Variants in PCDH11X observed in about 807,000 individuals in gnomAD.
The protein encoded by PCDH11X is protocadherin 11 X-linked, also known as protocadherin-11 X-linked.
PCDH11X carries 18 observed loss-of-function variants against 53.3 expected under a neutral mutation model. That is an observed-to-expected ratio of 0.34 (90% confidence interval 0.23 to 0.50). The LOEUF (loss-of-function observed/expected upper bound fraction) is 0.50. PCDH11X is among the 20% of genes least tolerant of loss of function. PCDH11X has a pLI of 0.98. For synonymous variants in PCDH11X, 279 were observed against 393.3 expected (o/e 0.71, Z 3.44); for missense variants, 570 against 1,032.4 (o/e 0.55, Z 6.14).
chrX:92,438,306 C>G (rs2072434952), intron 9 of PCDH11X, among the ~76,000 whole-genome samples: 1 of 111,133 alleles, frequency 9.0e-6, no homozygotes, highest in South Asian at 3.7e-4. Context: ...TTTAAAAACT[C>G]CCTCGGTGCT....
intron 9 of PCDH11X, chrX:92,420,437 A>C (rs12863110): frequency 0.12 from 35,056 of 284,607 alleles, 1,843 homozygotes; most frequent in African/African-American, 0.24. Context: ...AGATTTAATA[A>C]ATTCAACTTC....
intron 6 of PCDH11X, among the ~76,000 whole-genome samples, chrX:92,000,732 C>A (rs2062495740): frequency 3.0e-5 from 3 of 101,418 alleles, no homozygotes; most frequent in African/African-American, 1.1e-4. Flanking sequence ...CCCCCCATTA[C>A]CCTTCCTAGT....
intron 9 of PCDH11X, among the ~76,000 whole-genome samples, chrX:92,439,542 A>C (rs1402760026): frequency 9.1e-6 from 1 of 110,350 alleles, no homozygotes; most frequent in East Asian, 2.9e-4. Context: ...GGAAAGTATG[A>C]AAAAGTGATT....
chrX:92,514,591 T>G (rs995871306), intron 10 of PCDH11X, among the ~76,000 whole-genome samples: 1 of 103,360 alleles, frequency 9.7e-6, no homozygotes, highest in African/African-American at 3.5e-5. Context: ...AATAGCTGGG[T>G]GTGGTGGCGT....
intron 4 of PCDH11X, among the ~76,000 whole-genome samples, chrX:91,825,334 G>T (rs1312837450): frequency 9.0e-6 from 1 of 111,214 alleles, no homozygotes; most frequent in African/African-American, 3.3e-5. Context: ...GAGACTCCGT[G>T]GGCGTAGGAC....
chrX:92,115,626 C>A (rs963435058), intron 6 of PCDH11X, among the ~76,000 whole-genome samples: 3 of 110,818 alleles, frequency 2.7e-5, no homozygotes. Flanking sequence ...AACAGTTTAG[C>A]CTTCAGTCTG....
At chrX:92,482,021 C>G (rs1193932756) in intron 10 of PCDH11X, among the ~76,000 whole-genome samples, 6 of 99,552 alleles carry the variant, frequency 6.0e-5, no homozygotes, top group Non-Finnish European at 1.0e-4. Context: ...CCTTTGTCCA[C>G]TCTCAGTGCC....
chrX:92,195,140 A>G (rs1259354991), intron 6 of PCDH11X, among the ~76,000 whole-genome samples: 1 of 111,288 alleles, frequency 9.0e-6, no homozygotes, highest in East Asian at 2.8e-4. Flanking sequence ...TCTTAAACGA[A>G]GATTAGTTTC....
chrX:92,104,899 G>A (rs1471846025), intron 6 of PCDH11X, among the ~76,000 whole-genome samples: 1 of 110,589 alleles, frequency 9.0e-6, no homozygotes, highest in Non-Finnish European at 1.9e-5. Flanking sequence ...GGGGGTTCTT[G>A]CCCCCTAGGA....
At chrX:92,296,315 G>A (rs2068608250) in intron 8 of PCDH11X, among the ~76,000 whole-genome samples, 1 of 110,269 alleles carries the variant, frequency 9.1e-6, no homozygotes, top group South Asian at 3.9e-4. Flanking sequence ...GCATGTGACA[G>A]GAGTTAAATA....
At chrX:92,509,799 A>G (rs753934747) in intron 10 of PCDH11X, among the ~76,000 whole-genome samples, 1 of 111,813 alleles carries the variant, frequency 8.9e-6, no homozygotes, top group Admixed American at 9.5e-5. Flanking sequence ...CTAGCCAAAA[A>G]TCAGGTTCAT....
intron 10 of PCDH11X, among the ~76,000 whole-genome samples, chrX:92,609,985 C>T (rs1303699657): frequency 8.9e-6 from 1 of 111,764 alleles, no homozygotes; most frequent in Non-Finnish European, 1.9e-5. Context: ...TATAAGAAAT[C>T]CAATCCACCA....
intron 10 of PCDH11X, among the ~76,000 whole-genome samples, chrX:92,582,306 C>G (rs1285111377): frequency 2.8e-5 from 3 of 106,694 alleles, no homozygotes; most frequent in Non-Finnish European, 5.8e-5. Context: ...GTGGTCCCGG[C>G]CCAGGGTCCC....
intron 4 of PCDH11X, among the ~76,000 whole-genome samples, chrX:91,824,993 CAG>C (rs1289886771): frequency 9.1e-6 from 1 of 110,362 alleles, no homozygotes; most frequent in Non-Finnish European, 1.9e-5. Flanking sequence ...GCTCGGGGGT[CAG>C]GGGTCAGGGA....
chrX:92,181,545 C>A (rs770223211), intron 6 of PCDH11X, among the ~76,000 whole-genome samples: 1 of 111,777 alleles, frequency 8.9e-6, no homozygotes, highest in African/African-American at 3.2e-5. Flanking sequence ...AGGACCTTTG[C>A]AGTAGCCCCT....
intron 5 of PCDH11X, among the ~76,000 whole-genome samples, chrX:91,854,817 C>A (rs1343298211): frequency 4.5e-5 from 5 of 111,874 alleles, no homozygotes; most frequent in Non-Finnish European, 9.4e-5. Context: ...CTATTCAAAT[C>A]TTTTGCCCAT....
Position 92,621,939 on chromosome X carries a change from G to T in PCDH11X, c.*2999G>T, listed in dbSNP as rs903411676. The T allele has an allele frequency of 1.9e-5, 2 of 106,048 alleles. No individual in the cohort carries two copies. Among genetic ancestry groups the T allele is most frequent in the African/African-American group, 3.4e-5 (1 of 29,012 alleles). The allele number at this position is 106,048 out of a possible 1,213,427, so 8.7% of individuals were successfully genotyped here. The stretch of plus-strand genomic sequence containing the variant: ...TGTGATTATTAATTTTCTAGCTATG[G>T]TATTACTATATCACACTTGTGAGTA... On this transcript the variant is annotated 3_prime_UTR_variant, in exon 11 of 11. Transcript: ENST00000682573.
intron 8 of PCDH11X, among the ~76,000 whole-genome samples, chrX:92,281,245 G>A (rs1231565661): frequency 9.0e-6 from 1 of 111,647 alleles, no homozygotes; most frequent in Admixed American, 9.6e-5. Context: ...TTTCAGATTT[G>A]TCCTTCTGAT....
intron 6 of PCDH11X, among the ~76,000 whole-genome samples, chrX:92,159,970 G>T (rs1252111623): frequency 9.1e-6 from 1 of 109,437 alleles, no homozygotes; most frequent in African/African-American, 3.3e-5. Flanking sequence ...GTTTCAGTTT[G>T]ATTATAAGGC....
Sources: gnomAD v4.1 joint callset for allele counts (sites outside exome capture counted in the v4.1 genomes callset) on GRCh38, gnomAD v4.1.1 for gene constraint, MANE v1.5 for transcripts, NCBI Gene and HGNC (gene_info 2026-07-23, HGNC 2026-07-21) for gene names.